Variants in ANK2 observed in about 807,000 individuals in gnomAD.
ANK2 encodes ankyrin-2.
ANK2 carries 83 observed loss-of-function variants against 360.5 expected under a neutral mutation model. That is an observed-to-expected ratio of 0.23 (90% CI 0.19 to 0.28). ANK2 has a LOEUF of 0.28. ANK2 is among the 10% of genes least tolerant of loss of function. The pLI is 1.00. For missense variants in ANK2, 4,201 were observed against 4,795.7 expected (o/e 0.88, Z 3.66); for synonymous variants, 1,740 against 1,759.5 (o/e 0.99, Z 0.28).
intron 40 of ANK2, 100 bp downstream of exon 40, chr4:113,363,569 A>G: frequency 1.5e-6 from 2 of 1,326,340 alleles, no homozygotes; most frequent in South Asian, 1.2e-5. Context: ...AGCAAATGCC[A>G]TTAATCTGCA....
chr4:113,318,737 G>C, intron 26 of ANK2, 117 bp downstream of exon 26: 1 of 810,450 alleles, frequency 1.2e-6, no homozygotes, highest in South Asian at 1.5e-5. Flanking sequence ...GGTGCCCTTT[G>C]TTTAAACTTG....
intron 2 of ANK2, among the ~76,000 whole-genome samples, chr4:112,996,097 G>C (rs2048412462): frequency 1.3e-5 from 2 of 152,092 alleles, no homozygotes; most frequent in African/African-American, 2.4e-5. Flanking sequence ...CTGGTGAATA[G>C]ATAAAAAAGA....
chr4:112,730,922 G>T, the ANK2 span, among the ~76,000 whole-genome samples: 1 of 151,510 alleles, frequency 6.6e-6, no homozygotes, highest in South Asian at 2.1e-4. Flanking sequence ...GGAGGATCAT[G>T]AGGTCAAGAG....
intron 1 of ANK2, among the ~76,000 whole-genome samples, chr4:112,841,937 T>C (rs1245486753): frequency 6.6e-6 from 1 of 152,182 alleles, no homozygotes; most frequent in African/African-American, 2.4e-5. Flanking sequence ...ATGTGCTTCT[T>C]ATTAAACAAA....
intron 1 of ANK2, among the ~76,000 whole-genome samples, chr4:113,165,563 A>G (rs2097721357): frequency 6.6e-6 from 1 of 152,186 alleles, no homozygotes; most frequent in Non-Finnish European, 1.5e-5. Flanking sequence ...GTATGGTTAG[A>G]GGTTGTATGT....
chr4:113,302,776 G>A lies in ANK2; in HGVS notation c.2485G>A (p.Glu829Lys). The A allele has an allele frequency of 1.2e-6, 2 of 1,613,554 alleles. No individual in the cohort carries two copies. Among genetic ancestry groups the A allele is most frequent in the Non-Finnish European group, 1.7e-6 (2 of 1,179,606 alleles). ...EVTTTTTTITEKHKLNVPETM... is the reference protein window; with the variant it reads ...EVTTTTTTITKKHKLNVPETM... ...ATTTTTGTTTTTCCAGACTATTACA[G>A]AAAAACACAAACTAAATGTACCTGA... is the stretch of plus-strand genomic sequence containing the variant. Residue 829 changes from glutamate (E) to lysine (K), a missense_variant, in exon 23 of 46, where the codon GAA becomes AAA. By Grantham distance (56) the Glu-to-Lys change is moderately conservative (BLOSUM62 1). Around this residue, in one of 4 missense-constraint regions of ANK2, gnomAD observed 1,268 missense variants for 1,650.8 expected, o/e 0.77. Transcript: ENST00000357077.
At position 113,358,210 on chromosome 4, in the gene ANK2, G is replaced by C. The variant is rs779164445; in HGVS notation, c.9592G>C (p.Ala3198Pro). 1 of 1,614,090 alleles carries C rather than the reference G, an allele frequency of 6.2e-7. No homozygotes were observed. The highest frequency in any genetic ancestry group is 8.5e-7 in the Non-Finnish European group (1 of 1,179,974). ...AGTAGAGGAAATACCTGCTTCGGATGCTCAACTTAACTCCCAAATGGGGAT... is the reference window on the plus strand; with the variant it reads ...AGTAGAGGAAATACCTGCTTCGGATCCTCAACTTAACTCCCAAATGGGGAT... The part of the protein sequence containing the change: ...EEVEEIPASD[A>P]QLNSQMGISA... Residue 3198 changes from alanine (A) to proline (P), a missense_variant, in exon 38 of 46, where the codon GCT becomes CCT. Transcript: ENST00000357077.
intron 9 of ANK2, among the ~76,000 whole-genome samples, chr4:113,245,301 G>A (rs943705131): frequency 6.6e-6 from 1 of 152,144 alleles, no homozygotes; most frequent in Admixed American, 6.5e-5. Flanking sequence ...TAAAATAAAT[G>A]AATATGTTTT....
At chr4:113,138,609 AATGTCAT>A (rs1347742909) in intron 1 of ANK2, among the ~76,000 whole-genome samples, 44 of 152,310 alleles carry the variant, frequency 2.9e-4, no homozygotes, top group Middle Eastern at 6.8e-3. Context: ...CTTAATTTCA[AATGTCAT>A]ATGTGTGTAT....
At chr4:112,724,064 C>CTTTT in the ANK2 span, among the ~76,000 whole-genome samples, 2 of 135,136 alleles carry the variant, frequency 1.5e-5, no homozygotes, top group Non-Finnish European at 3.2e-5. Flanking sequence ...CAGGAAAAAT[C>CTTTT]TTTTTTTTTT....
At chr4:112,837,304 G>A (rs1050063614) in intron 1 of ANK2, among the ~76,000 whole-genome samples, 2 of 152,254 alleles carry the variant, frequency 1.3e-5, no homozygotes, top group African/African-American at 4.8e-5. Flanking sequence ...GTTGAGGTAT[G>A]GGAAGCTCTG....
intron 1 of ANK2, among the ~76,000 whole-genome samples, chr4:113,119,819 A>T (rs2095225203): frequency 6.6e-6 from 1 of 152,212 alleles, no homozygotes; most frequent in African/African-American, 2.4e-5. Flanking sequence ...AAGATATTGC[A>T]CATTAAAATC....
At chr4:112,780,186 C>CAA in the ANK2 span, among the ~76,000 whole-genome samples, 13,906 of 130,408 alleles carry the variant, frequency 0.11, 765 homozygotes, top group Middle Eastern at 0.14. Flanking sequence ...GACTCTGTCT[C>CAA]AAAAAAAAAA....
chr4:113,142,291 C>T (rs2096661030), intron 1 of ANK2, among the ~76,000 whole-genome samples: 1 of 152,142 alleles, frequency 6.6e-6, no homozygotes, highest in Admixed American at 6.5e-5. Flanking sequence ...TGGCAGCCAC[C>T]CTTGGTTAAC....
At chr4:113,019,006 C>CTATGCA in intron 2 of ANK2, among the ~76,000 whole-genome samples, 1 of 152,080 alleles carries the variant, frequency 6.6e-6, no homozygotes, top group Non-Finnish European at 1.5e-5. Context: ...TTGAGGAGAA[C>CTATGCA]AACTATGCAA....
chr4:113,155,918 G>A (rs10031600), intron 1 of ANK2, among the ~76,000 whole-genome samples: 104,131 of 152,098 alleles, frequency 0.68, 36,226 homozygotes, highest in African/African-American at 0.8. Flanking sequence ...TCTACTTATC[G>A]ACTAAGCAAA....
intron 1 of ANK2, among the ~76,000 whole-genome samples, chr4:113,164,422 A>G (rs941194613): frequency 3.6e-4 from 55 of 152,346 alleles, no homozygotes; most frequent in African/African-American, 1.3e-3. Context: ...AAGTTTTAAG[A>G]ATCTATTTTT....
intron 1 of ANK2, among the ~76,000 whole-genome samples, chr4:113,151,736 T>A (rs1158855390): frequency 1.3e-5 from 2 of 152,028 alleles, no homozygotes; most frequent in Non-Finnish European, 2.9e-5. Flanking sequence ...TATATCAAGT[T>A]GTACATAAAA....
the ANK2 span, among the ~76,000 whole-genome samples, chr4:112,812,206 G>A: frequency 3.9e-5 from 2 of 51,816 alleles, no homozygotes. Flanking sequence ...ACCTCAATGA[G>A]GGGCAAATAT....
Sources: gnomAD v4.1 joint callset for allele counts (sites outside exome capture counted in the v4.1 genomes callset) on GRCh38, gnomAD v4.1.1 for gene constraint, gnomAD v4.1.1 regional missense constraint, MANE v1.5 for transcripts, NCBI Gene and HGNC (gene_info 2026-07-23, HGNC 2026-07-21) for gene names.